Variants in FAM200C observed in about 807,000 individuals in gnomAD.
chr5:160,396,380 A>G, the FAM200C span, among the ~76,000 whole-genome samples: 1 of 152,220 alleles, frequency 6.6e-6, no homozygotes, highest in Admixed American at 6.5e-5. Flanking sequence ...ATGCAAAGGT[A>G]GGCTACAAAT....
chr5:160,395,540 C>A, the FAM200C span: 1 of 1,502,432 alleles, frequency 6.7e-7, no homozygotes, highest in Non-Finnish European at 9.2e-7. Flanking sequence ...CAGAATTTTG[C>A]TTTGGGAGTA....
chr5:160,396,678 C>T, the FAM200C span, among the ~76,000 whole-genome samples: 5 of 126,626 alleles, frequency 3.9e-5, no homozygotes, highest in African/African-American at 9.1e-5. Flanking sequence ...CCAGCCTGGG[C>T]GACAGAGCAA....
At chr5:160,396,251 T>G in the FAM200C span, among the ~76,000 whole-genome samples, 1 of 152,178 alleles carries the variant, frequency 6.6e-6, no homozygotes, top group Non-Finnish European at 1.5e-5. Flanking sequence ...ACATGGTAGT[T>G]CTTTTTAATA....
chr5:160,394,613 G>A, the FAM200C span: 1 of 1,614,132 alleles, frequency 6.2e-7, no homozygotes, highest in Non-Finnish European at 8.5e-7. Context: ...CCTCACCACA[G>A]TAAACAGAGC....
the FAM200C span, chr5:160,394,458 CA>C: frequency 6.2e-7 from 1 of 1,613,796 alleles, no homozygotes; most frequent in Admixed American, 1.7e-5. Flanking sequence ...TCATACATTT[CA>C]AAAATGTGAG....
At chr5:160,394,373 T>C in the FAM200C span, 3 of 1,613,778 alleles carry the variant, frequency 1.9e-6, no homozygotes, top group Admixed American at 5.0e-5. Flanking sequence ...GTATGCTAGG[T>C]GAATTTTAAA....
At chr5:160,396,378 G>A in the FAM200C span, among the ~76,000 whole-genome samples, 1 of 152,116 alleles carries the variant, frequency 6.6e-6, no homozygotes, top group African/African-American at 2.4e-5. Flanking sequence ...TGATGCAAAG[G>A]TAGGCTACAA....
the FAM200C span, chr5:160,393,764 A>G: frequency 6.4e-7 from 1 of 1,560,944 alleles, no homozygotes; most frequent in African/African-American, 1.4e-5. Context: ...GAAACGAGGA[A>G]CTTTTTTTGA....
chr5:160,393,636 GAGAC>G, the FAM200C span: 4 of 1,133,038 alleles, frequency 3.5e-6, no homozygotes, highest in Non-Finnish European at 5.0e-6. Context: ...AAATATGAAA[GAGAC>G]AGAATTACAG....
the FAM200C span, chr5:160,394,287 T>C: frequency 5.6e-6 from 9 of 1,613,828 alleles, no homozygotes; most frequent in Non-Finnish European, 6.8e-6. Flanking sequence ...AACTTCTCTC[T>C]AGCTGATACT....
the FAM200C span, chr5:160,395,000 T>C: frequency 1.2e-6 from 2 of 1,613,932 alleles, no homozygotes; most frequent in South Asian, 1.1e-5. Context: ...GGCTTTGATA[T>C]CTTCTAGAAC....
chr5:160,396,549 G>A, the FAM200C span, among the ~76,000 whole-genome samples: 2 of 151,840 alleles, frequency 1.3e-5, no homozygotes, highest in Admixed American at 6.6e-5. Flanking sequence ...TCAGGAGTTC[G>A]AGACCAGCCT....
the FAM200C span, chr5:160,395,497 C>A: frequency 6.2e-7 from 1 of 1,609,758 alleles, no homozygotes; most frequent in African/African-American, 1.3e-5. Flanking sequence ...ACATGGCACA[C>A]AAAAATTCTC....
At chr5:160,393,709 C>T in the FAM200C span, 8 of 1,543,784 alleles carry the variant, frequency 5.2e-6, no homozygotes, top group East Asian at 2.4e-5. Flanking sequence ...TATCAGCTTA[C>T]AGTGACTTCT....
the FAM200C span, among the ~76,000 whole-genome samples, chr5:160,398,606 T>C: frequency 1.3e-5 from 2 of 152,192 alleles, no homozygotes; most frequent in African/African-American, 4.8e-5. Context: ...CTTGACTATG[T>C]CTCTCAAGTA....
the FAM200C span, among the ~76,000 whole-genome samples, chr5:160,396,015 A>G: frequency 6.6e-6 from 1 of 152,206 alleles, no homozygotes; most frequent in Admixed American, 6.5e-5. Flanking sequence ...AATTGTATAC[A>G]TTTATGGGGT....
chr5:160,394,476 T>C, the FAM200C span: 1 of 1,614,038 alleles, frequency 6.2e-7, no homozygotes, highest in Non-Finnish European at 8.5e-7. Context: ...TGAGTAAGTA[T>C]TTGGCCTCGG....
the FAM200C span, chr5:160,393,867 A>C: frequency 2.5e-6 from 4 of 1,614,110 alleles, no homozygotes; most frequent in Non-Finnish European, 2.5e-6. Context: ...TCACAAAGGT[A>C]TGTAGTTGCA....
At chr5:160,395,299 A>G in the FAM200C span, 6 of 1,614,160 alleles carry the variant, frequency 3.7e-6, no homozygotes, top group Admixed American at 6.7e-5. Context: ...GCTTCAGGCT[A>G]TTGAGATCAT....
Sources: allele counts gnomAD v4.1 joint callset (sites outside exome capture counted in the v4.1 genomes callset), GRCh38; gene constraint gnomAD v4.1.1; transcripts MANE v1.5.